LRBA: variants seen among roughly 807,000 people sequenced by gnomAD.
The protein encoded by LRBA is LPS responsive beige-like anchor protein.
A neutral mutation model predicts 330.0 loss-of-function variants in LRBA; 176 were observed. The observed-to-expected ratio is 0.53, with a 90% CI of 0.47 to 0.60. The LOEUF is 0.60. Ranked by LOEUF, LRBA falls within the 20% of genes least tolerant of loss-of-function variation. The probability of loss-of-function intolerance (pLI) is 0.00; values close to 1 mark genes in which losing one functional copy is unlikely to be tolerated. For synonymous variants in LRBA, 1,230 were observed against 1,193.0 expected (o/e 1.03, Z -0.64); for missense variants, 3,259 against 3,444.8 (o/e 0.95, Z 1.35).
chr4:150,837,644 G>A (rs2126856248), intron 28 of LRBA, among the ~76,000 whole-genome samples: 1 of 152,116 alleles, frequency 6.6e-6, no homozygotes, highest in South Asian at 2.1e-4. Context: ...CATTTGCTTG[G>A]TAGATCTTCC....
intron 26 of LRBA, among the ~76,000 whole-genome samples, chr4:150,847,016 G>A (rs577581315): frequency 2.0e-5 from 3 of 152,058 alleles, no homozygotes; most frequent in East Asian, 1.9e-4. Flanking sequence ...AAAAGCCTTC[G>A]AAAATGGCAC....
intron 25 of LRBA, 81 bp downstream of exon 25, chr4:150,849,338 AACC>A (rs745613042): frequency 1.1e-5 from 13 of 1,222,812 alleles, no homozygotes; most frequent in Middle Eastern, 1.9e-4. Flanking sequence ...GATGCATAGT[AACC>A]ACCACATTTA....
intron 37 of LRBA, among the ~76,000 whole-genome samples, chr4:150,614,122 A>T (rs1334521009): frequency 6.6e-6 from 1 of 152,226 alleles, no homozygotes; most frequent in Non-Finnish European, 1.5e-5. Flanking sequence ...CTTCGGATTT[A>T]GACTCTTGCT....
Position 150,852,488 on chromosome 4 carries a change from A to T in LRBA, c.3222T>A (p.Thr1074=). The T allele has an allele frequency of 6.2e-7, 1 of 1,613,646 alleles. No homozygotes were observed. The highest frequency in any genetic ancestry group is 1.1e-5 in the South Asian group (1 of 91,070). The change falls in exon 23 of 57, where the codon ACT becomes ACA. Residue 1074 remains threonine, a synonymous_variant. Coordinates refer to ENST00000651943, the MANE Select transcript of LRBA (RefSeq NM_001364905.1). ...TTATAGAAGCAGTTACTTCACTGAC[A>T]GTCATTGAATCTTTGCCAGTTGTTA... ...SFITTGKDSM[T]VSEVTASISS... is the part of the protein sequence containing the mutation.
At chr4:150,710,705 T>C (rs148904192) in intron 36 of LRBA, among the ~76,000 whole-genome samples, 69 of 152,228 alleles carry the variant, frequency 4.5e-4, no homozygotes, top group African/African-American at 1.5e-3. Flanking sequence ...ATATATTACT[T>C]ACATGTGAAT....
intron 36 of LRBA, among the ~76,000 whole-genome samples, chr4:150,707,216 A>G (rs1051964685): frequency 2.0e-5 from 3 of 151,810 alleles, no homozygotes; most frequent in Middle Eastern, 3.4e-3. Flanking sequence ...GTGCTTTCTT[A>G]TAATTTTTTA....
chr4:150,546,288 T>C (rs1013370856), intron 40 of LRBA, among the ~76,000 whole-genome samples: 3 of 152,216 alleles, frequency 2.0e-5, no homozygotes, highest in African/African-American at 7.2e-5. Context: ...TTTAGTATCA[T>C]ATTTAAAACC....
chr4:150,334,121 A>G (rs1734331558), intron 48 of LRBA, among the ~76,000 whole-genome samples: 2 of 152,306 alleles, frequency 1.3e-5, no homozygotes, highest in East Asian at 1.9e-4. Context: ...TAATGAACCT[A>G]ACTCAAATTA....
chr4:150,696,871 G>A (rs769583317), intron 36 of LRBA, among the ~76,000 whole-genome samples: 3 of 150,740 alleles, frequency 2.0e-5, no homozygotes, highest in South Asian at 2.1e-4. Flanking sequence ...AAAATTAGCC[G>A]GGCATGGTGG....
rs756885055 is a variant in LRBA at position 150,487,757 on chromosome 4, T to C, written c.6526A>G (p.Thr2176Ala). The C allele has an allele frequency of 7.5e-6, 12 of 1,599,336 alleles. No individual in the cohort carries two copies. Among genetic ancestry groups the C allele is most frequent in the South Asian group, 5.6e-5 (5 of 89,402 alleles). Residue 2176 changes from threonine (T) to alanine (A), a missense_variant, in exon 42 of 57, where the codon ACA becomes GCA. Coordinates refer to ENST00000651943, the MANE Select transcript of LRBA (RefSeq NM_001364905.1). The stretch of plus-strand genomic sequence containing the variant: ...CTGGTTTGAGGCAATCCAAAACTTG[T>C]TCCAACGCCAACACGAGGTAGATAG... ...VNYLPRVGVG[T>A]SFGLPQTRRI...
intron 34 of LRBA, among the ~76,000 whole-genome samples, chr4:150,765,479 C>T (rs1735646820): frequency 6.6e-6 from 1 of 151,974 alleles, no homozygotes; most frequent in Non-Finnish European, 1.5e-5. Flanking sequence ...AGAATGCTGA[C>T]AAGAGAGAAG....
At chr4:150,637,784 G>C (rs2126698905) in intron 37 of LRBA, among the ~76,000 whole-genome samples, 1 of 152,294 alleles carries the variant, frequency 6.6e-6, no homozygotes, top group African/African-American at 2.4e-5. Flanking sequence ...AGCCATATCA[G>C]AGATGGTGGG....
At chr4:150,792,566 C>G (rs1034579022) in intron 34 of LRBA, among the ~76,000 whole-genome samples, 9 of 152,074 alleles carry the variant, frequency 5.9e-5, no homozygotes, top group African/African-American at 2.2e-4. Flanking sequence ...TGGAGTGCAC[C>G]AGTGCGACCC....
At chr4:150,685,733 C>T (rs1288792361) in intron 36 of LRBA, among the ~76,000 whole-genome samples, 1 of 151,574 alleles carries the variant, frequency 6.6e-6, no homozygotes, top group African/African-American at 2.4e-5. Context: ...CCGCGCCTGG[C>T]CAAGAATCAA....
intron 41 of LRBA, among the ~76,000 whole-genome samples, chr4:150,489,038 TA>T (rs1212387217): frequency 4.3e-5 from 5 of 116,020 alleles, no homozygotes; most frequent in African/African-American, 1.4e-4. Context: ...ATATATTATA[TA>T]TAATATATTA....
intron 2 of LRBA, among the ~76,000 whole-genome samples, chr4:151,007,210 A>C (rs1174292533): frequency 6.6e-6 from 1 of 152,248 alleles, no homozygotes; most frequent in East Asian, 1.9e-4. Context: ...CTTTCAACAA[A>C]TGGCACTCTA....
chr4:150,422,879 T>C lies in LRBA; in HGVS notation c.7042-7289A>G, dbSNP rs1749018901. ...CGTGATCCACCAGGGCCTCCTAACA[T>C]GGAGGCACTCAGGACTGAACCAAGA... is the stretch of plus-strand genomic sequence containing the variant. On this transcript the variant is annotated intron_variant, in intron 46 of 56. Coordinates refer to ENST00000651943, the MANE Select transcript of LRBA (RefSeq NM_001364905.1). 12 of 996,900 alleles carry C rather than the reference T, an allele frequency of 1.2e-5. No individual in the cohort carries two copies. In the South Asian group the frequency reaches 1.5e-4, roughly 13 times the overall value. The allele number at this position is 996,900 out of a possible 1,614,324, so 61.8% of individuals were successfully genotyped here. A position where few individuals can be genotyped will look rare whatever the true frequency, so the allele number is the denominator to read the frequency against.
At chr4:150,372,654 C>T (rs1038504390) in intron 47 of LRBA, among the ~76,000 whole-genome samples, 11 of 147,534 alleles carry the variant, frequency 7.5e-5, no homozygotes, top group Non-Finnish European at 1.6e-4. Flanking sequence ...TTGGGCAATA[C>T]TTAACTTCTT....
chr4:150,903,585 C>T (rs1423566108), intron 13 of LRBA, among the ~76,000 whole-genome samples: 1 of 151,576 alleles, frequency 6.6e-6, no homozygotes, highest in African/African-American at 2.4e-5. Context: ...CAAAAAAATA[C>T]AAAAATTAGC....
Sources: allele counts gnomAD v4.1 joint callset (sites outside exome capture counted in the v4.1 genomes callset), GRCh38; gene constraint gnomAD v4.1.1; transcripts MANE v1.5; gene names NCBI Gene and HGNC (gene_info 2026-07-23, HGNC 2026-07-21).